FAM124A: variants seen among roughly 807,000 people sequenced by gnomAD.
FAM124A encodes family with sequence similarity 124 member A.
In FAM124A, 23 loss-of-function variants were observed where a neutral mutation model predicts 24.5. The observed-to-expected ratio is 0.94, with a 90% CI of 0.68 to 1.33. The LOEUF is 1.33. FAM124A is among the 40% of genes most tolerant of loss of function. The probability of loss-of-function intolerance (pLI) is 0.00; values close to 1 mark genes in which losing one functional copy is unlikely to be tolerated. For synonymous variants in FAM124A, 287 were observed against 314.7 expected (o/e 0.91, Z 0.93); for missense variants, 623 against 722.8 (o/e 0.86, Z 1.58).
intron 2 of FAM124A, among the ~76,000 whole-genome samples, chr13:51,236,752 A>G (rs1593588635): frequency 6.6e-6 from 1 of 152,228 alleles, no homozygotes; most frequent in Non-Finnish European, 1.5e-5. Flanking sequence ...CTCATTTTAG[A>G]GCCAGTTTTT....
At position 51,258,069 on chromosome 13, in the gene FAM124A, CCTT is replaced by C. The variant is rs1422180202; in HGVS notation, c.834+5872_834+5874del. ...TCTCCCCAGCCTGCTGTTGCACTGG[CCTT>C]CTTGGCCTTCCTTGGTGTGTGGAAG... On this transcript the variant is annotated intron_variant, in intron 3 of 3. Coordinates refer to ENST00000322475, the MANE Select transcript of FAM124A (RefSeq NM_001242312.2). The surrounding 1 kb of genome is among the most constrained non-coding windows in gnomAD (Gnocchi z 4.2). 3.3e-5 allele frequency among the ~76,000 whole-genome samples: 5 copies of C among 152,352 alleles called. No individual in the cohort carries two copies. In the East Asian group the frequency reaches 9.6e-4, roughly 29 times the overall value.
chr13:51,241,490 C>A (rs1358909240), intron 2 of FAM124A, among the ~76,000 whole-genome samples: 1 of 152,144 alleles, frequency 6.6e-6, no homozygotes, highest in East Asian at 1.9e-4. Flanking sequence ...AAGCCCTGAA[C>A]TGGGAGTTGG....
chr13:51,229,628 G>T (rs1001050899), intron 1 of FAM124A, among the ~76,000 whole-genome samples: 1 of 152,044 alleles, frequency 6.6e-6, no homozygotes, highest in African/African-American at 2.4e-5. Flanking sequence ...TAGAAATATC[G>T]CCATTCTTAT....
Position 51,284,096 on chromosome 13 carries a change from C to T in FAM124A, c.*2840C>T, listed in dbSNP as rs1954965889. Reference sequence around the variant, plus strand: ...AACACATTTACCAAAGCCTTCCCTTCCATTCCTGGCCATTCCAGTAGCATC... The same window carrying T: ...AACACATTTACCAAAGCCTTCCCTTTCATTCCTGGCCATTCCAGTAGCATC... On this transcript the variant is annotated 3_prime_UTR_variant, in exon 4 of 4. Transcript: ENST00000322475. 6.6e-6 allele frequency: 1 copy of T among 152,232 alleles called. No homozygotes were observed. The highest frequency in any genetic ancestry group is 2.4e-5 in the African/African-American group (1 of 41,462). 9.4% of individuals were successfully genotyped at this position (152,232 alleles called of 1,614,324 possible).
chr13:51,279,770 C>T (rs1427817023), intron 3 of FAM124A, among the ~76,000 whole-genome samples: 1 of 152,196 alleles, frequency 6.6e-6, no homozygotes, highest in Non-Finnish European at 1.5e-5. Flanking sequence ...CGGCAGCTCC[C>T]TTTCCTGTAC....
At chr13:51,250,060 G>A (rs1954602412) in intron 2 of FAM124A, among the ~76,000 whole-genome samples, 1 of 152,242 alleles carries the variant, frequency 6.6e-6, no homozygotes, top group Admixed American at 6.5e-5. Flanking sequence ...CTGTTTTCAA[G>A]TGAGACACTT....
chr13:51,228,303 A>G (rs1459497259), intron 1 of FAM124A, among the ~76,000 whole-genome samples: 1 of 152,178 alleles, frequency 6.6e-6, no homozygotes, highest in Non-Finnish European at 1.5e-5. Flanking sequence ...CAGAACCTCT[A>G]TGTAATCCCT....
At chr13:51,279,741 C>T (rs567857016) in intron 3 of FAM124A, among the ~76,000 whole-genome samples, 10 of 152,298 alleles carry the variant, frequency 6.6e-5, no homozygotes, top group South Asian at 4.1e-4. Context: ...CTGCAGGATC[C>T]GCAGGATCAG....
intron 3 of FAM124A, chr13:51,253,477 A>C (rs189664263): frequency 6.6e-6 from 1 of 152,360 alleles, no homozygotes; most frequent in African/African-American, 2.4e-5. Context: ...TTTGCTCTAT[A>C]ATCCCTTTTG....
intron 2 of FAM124A, among the ~76,000 whole-genome samples, chr13:51,249,147 A>G (rs148508014): frequency 1.3e-4 from 20 of 152,110 alleles, no homozygotes; most frequent in African/African-American, 4.8e-4. Flanking sequence ...ACACTTCCTA[A>G]TCTCCTCAGC....
Position 51,280,711 on chromosome 13 carries a change from T to G in FAM124A, c.1096T>G (p.Leu366Val). ...CCAGAGAAGCAAGTCCTTGTTTTGT[T>G]TGCCCACGGGAGGCCCCTCCCTGGC... ...SFQRSKSLFC[L>V]PTGGPSLASS... is the part of the protein sequence containing the mutation. Residue 366 changes from leucine (L) to valine (V), a missense_variant, in exon 4 of 4, where the codon TTG becomes GTG. Transcript: ENST00000322475. The G allele has an allele frequency of 6.2e-7, 1 of 1,614,162 alleles. No individual in the cohort carries two copies. Among genetic ancestry groups the G allele is most frequent in the East Asian group, 2.2e-5 (1 of 44,856 alleles).
intron 3 of FAM124A, among the ~76,000 whole-genome samples, chr13:51,254,848 A>G (rs1954659110): frequency 6.6e-6 from 1 of 152,302 alleles, no homozygotes; most frequent in South Asian, 2.1e-4. Context: ...CTTTCTATTA[A>G]AGAATATTAT....
intron 3 of FAM124A, among the ~76,000 whole-genome samples, chr13:51,263,737 G>A (rs1173594972): frequency 8.5e-5 from 13 of 152,130 alleles, no homozygotes; most frequent in Admixed American, 7.2e-4. Context: ...ACTTCTCAGT[G>A]TCTGTATTTG....
chr13:51,252,526 G>A (rs1385483341), intron 3 of FAM124A: 1 of 378,182 alleles, frequency 2.6e-6, no homozygotes, highest in Non-Finnish European at 4.7e-6. Flanking sequence ...ATAAGCTAGG[G>A]AATTTGCTAT....
At chr13:51,277,023 G>A (rs1954891391) in intron 3 of FAM124A, among the ~76,000 whole-genome samples, 1 of 152,062 alleles carries the variant, frequency 6.6e-6, no homozygotes, top group Non-Finnish European at 1.5e-5. Context: ...AAAGATAGCT[G>A]CACTCGTATG....
At chr13:51,261,056 G>A (rs1242454154) in intron 3 of FAM124A, among the ~76,000 whole-genome samples, 1 of 152,194 alleles carries the variant, frequency 6.6e-6, no homozygotes, top group Non-Finnish European at 1.5e-5. Flanking sequence ...GTCTCAAGAG[G>A]TACCTGGAGA....
rs991058203 is a variant in FAM124A, at chr13:51,231,213, C to A, written c.69-135C>A. On this transcript the variant is annotated intron_variant, in intron 1 of 3. Coordinates refer to ENST00000322475, the MANE Select transcript of FAM124A (RefSeq NM_001242312.2). ...ATAACTTTATTTTGCATAAAATGAG[C>A]CTTAGCACTGCAGTTTTTAATTGGT... The A allele has an allele frequency of 7.5e-5, 68 of 909,110 alleles. No individual in the cohort carries two copies. The South Asian group carries it at 9.4e-4, about 13-fold the overall frequency. 56.3% of individuals were successfully genotyped at this position (909,110 alleles called of 1,614,324 possible).
At chr13:51,235,146 GATTTTT>G (rs987124721) in intron 2 of FAM124A, among the ~76,000 whole-genome samples, 44 of 152,148 alleles carry the variant, frequency 2.9e-4, no homozygotes, top group African/African-American at 9.2e-4. Flanking sequence ...AGGAAGACGG[GATTTTT>G]ATTTTTATTT....
intron 2 of FAM124A, among the ~76,000 whole-genome samples, chr13:51,239,615 A>G (rs1954470812): frequency 1.3e-5 from 2 of 152,178 alleles, no homozygotes; most frequent in Non-Finnish European, 2.9e-5. Flanking sequence ...ATTGCCAAAA[A>G]CATCTTTCTA....
Sources: gnomAD v4.1 joint callset for allele counts (sites outside exome capture counted in the v4.1 genomes callset) on GRCh38, gnomAD v4.1.1 for gene constraint, Gnocchi (gnomAD v3.1) non-coding constraint, MANE v1.5 for transcripts, NCBI Gene and HGNC (gene_info 2026-07-23, HGNC 2026-07-21) for gene names.